POLQ: variants seen among roughly 807,000 people sequenced by gnomAD.
POLQ encodes DNA polymerase theta.
A neutral mutation model predicts 259.2 loss-of-function variants in POLQ; 233 were observed. The ratio of observed to expected loss-of-function variants is 0.90; its 90% CI spans 0.81 to 1.00. POLQ has a LOEUF of 1.00. Among genes scored for constraint, POLQ ranks in the 50% least tolerant of loss-of-function variants. The pLI, the probability that POLQ is intolerant of heterozygous loss-of-function variation, is 0.00. For synonymous variants in POLQ, 1,025 were observed against 1,048.8 expected (o/e 0.98, Z 0.44); for missense variants, 2,871 against 3,051.6 (o/e 0.94, Z 1.39).
At chr3:121,539,341 A>G (rs2048472593) in intron 4 of POLQ, 92 bp downstream of exon 4, 1 of 988,524 alleles carries the variant, frequency 1.0e-6, no homozygotes, top group Non-Finnish European at 1.5e-6. Context: ...ACAATAGGAA[A>G]ACAAATGGGA....
At chr3:121,437,901 A>C (rs2047557204) in intron 27 of POLQ, among the ~76,000 whole-genome samples, 1 of 152,230 alleles carries the variant, frequency 6.6e-6, no homozygotes, top group Admixed American at 6.5e-5. Context: ...AAATATACAT[A>C]TATGATGTAT....
rs551107189 is a variant in POLQ at position 121,496,633 on chromosome 3, G to A, written c.2278+175C>T. Among the ~76,000 whole-genome samples, 3 of 152,282 alleles carry A rather than the reference G, an allele frequency of 2.0e-5. No homozygotes were observed. In the East Asian group the frequency reaches 5.8e-4, roughly 29 times the overall value. ...GCTAGTTACCAATCCTCTGTAACAT[G>A]GTACTGAGCCCTGAGGAGCCATAGT... On this transcript the variant is annotated intron_variant, in intron 14 of 29. Transcript: ENST00000264233.
chr3:121,487,851 A>G lies in POLQ; in HGVS notation c.5080T>C (p.Ser1694Pro). The G allele has an allele frequency of 1.2e-6, 2 of 1,610,596 alleles. No individual in the cohort carries two copies. Among genetic ancestry groups the G allele is most frequent in the Non-Finnish European group, 1.7e-6 (2 of 1,179,044 alleles). ...NLETKQVQGI[S>P]FSSNNEVKSK... ...TTTACTTCATTATTAGAAGAAAATGAAATTCCCTGCACTTGTTTTGTCTCC... is the reference window on the plus strand; with the variant it reads ...TTTACTTCATTATTAGAAGAAAATGGAATTCCCTGCACTTGTTTTGTCTCC... The change falls in exon 16 of 30, where the codon TCA becomes CCA. Residue 1694 changes from serine (S) to proline (P), a missense_variant. Ser to Pro is a moderately conservative substitution (Grantham distance 74). Coordinates refer to ENST00000264233, the MANE Select transcript of POLQ (RefSeq NM_199420.4).
chr3:121,435,667 G>A (rs1383704989), intron 28 of POLQ, among the ~76,000 whole-genome samples: 1 of 152,194 alleles, frequency 6.6e-6, no homozygotes, highest in Non-Finnish European at 1.5e-5. Flanking sequence ...ACTGTACAGA[G>A]TTTCCCAAAG....
At chr3:121,513,794 A>G (rs1259999693) in intron 9 of POLQ, among the ~76,000 whole-genome samples, 3 of 151,280 alleles carry the variant, frequency 2.0e-5, no homozygotes, top group African/African-American at 7.3e-5. Flanking sequence ...GAGGCCAAGG[A>G]GTGTGGCTCA....
At position 121,498,598 on chromosome 3, in the gene POLQ, T is replaced by C. The variant is rs1431020808; in HGVS notation, c.2032A>G (p.Thr678Ala). The change falls in exon 13 of 30, where the codon ACT (threonine) becomes GCT (alanine). Residue 678 changes from threonine (T) to alanine (A), a missense_variant. Transcript: ENST00000264233. ...AGCTCTGCCACCCTTTTCATTGAAG[T>C]TGGCAACTTCTCCCATAAACAGAAA... Reference protein sequence around the residue: ...RFFCLWEKLPTSMKRVAELVG... With the variant: ...RFFCLWEKLPASMKRVAELVG... 6 of 1,613,636 alleles carry C rather than the reference T, an allele frequency of 3.7e-6. No individual in the cohort carries two copies. The highest frequency in any genetic ancestry group is 5.1e-6 in the Non-Finnish European group (6 of 1,179,662).
At chr3:121,491,926 C>A (rs1351986676) in intron 15 of POLQ, among the ~76,000 whole-genome samples, 1 of 152,146 alleles carries the variant, frequency 6.6e-6, no homozygotes, top group Non-Finnish European at 1.5e-5. Flanking sequence ...CTGCAGGAAA[C>A]CCTACTGTGA....
intron 7 of POLQ, 152 bp downstream of exon 7, chr3:121,529,493 C>A: frequency 1.4e-6 from 1 of 718,720 alleles, no homozygotes; most frequent in Non-Finnish European, 2.4e-6. Flanking sequence ...TTATTAGAAT[C>A]GCAAAAGCAC....
intron 7 of POLQ, among the ~76,000 whole-genome samples, chr3:121,525,621 C>T (rs910052423): frequency 3.0e-4 from 45 of 152,222 alleles, no homozygotes; most frequent in African/African-American, 9.4e-4. Flanking sequence ...CCAATCCTTT[C>T]GCCATTTGCT....
chr3:121,492,806 T>TG (rs1199683067), intron 15 of POLQ, among the ~76,000 whole-genome samples: 44 of 150,144 alleles, frequency 2.9e-4, no homozygotes, highest in Admixed American at 1.4e-3. Context: ...CAGCTATTTT[T>TG]TTTTTTTTTT....
intron 22 of POLQ, 135 bp downstream of exon 22, chr3:121,471,855 T>C: frequency 2.3e-6 from 1 of 431,330 alleles, no homozygotes; most frequent in Non-Finnish European, 4.1e-6. Context: ...GGATAAAGCA[T>C]GTATTTTATA....
At chr3:121,509,970 A>G in intron 11 of POLQ, 69 bp downstream of exon 11, 2 of 1,208,932 alleles carry the variant, frequency 1.7e-6, no homozygotes, top group Non-Finnish European at 2.4e-6. Flanking sequence ...ATTTCCATTC[A>G]CTGAGCAGTC....
intron 14 of POLQ, chr3:121,494,070 T>C: frequency 4.6e-6 from 3 of 653,462 alleles, no homozygotes; most frequent in Non-Finnish European, 8.1e-6. Flanking sequence ...AAGAGAACTC[T>C]TAAAAACATG....
chr3:121,470,799 C>T (rs1371977311), intron 22 of POLQ, among the ~76,000 whole-genome samples: 1 of 152,058 alleles, frequency 6.6e-6, no homozygotes, highest in African/African-American at 2.4e-5. Flanking sequence ...TCTATAGAGA[C>T]ATGGTTTTGA....
chr3:121,463,493 G>A (rs559806669), intron 24 of POLQ, among the ~76,000 whole-genome samples: 34 of 152,228 alleles, frequency 2.2e-4, no homozygotes, highest in African/African-American at 7.7e-4. Flanking sequence ...TAACCTAACA[G>A]TATGATAGAT....
At position 121,537,166 on chromosome 3, in the gene POLQ, TGA is replaced by T; in HGVS notation, c.672_673del (p.His225ProfsTer32). The T allele has an allele frequency of 6.2e-7, 1 of 1,606,778 alleles. No individual in the cohort carries two copies. The highest frequency in any genetic ancestry group is 8.5e-7 in the Non-Finnish European group (1 of 1,173,516). The stretch of plus-strand genomic sequence containing the variant: ...CAAAAGTTCCAGCAGATACCCTCGG[TGA>T]GAGTCTCCCAGCATATGTAATTCAT... On this transcript the variant is annotated frameshift_variant, in exon 5 of 30. Transcript: ENST00000264233. LOFTEE classifies it high-confidence loss of function.
At chr3:121,452,701 G>T (rs903441051) in intron 25 of POLQ, among the ~76,000 whole-genome samples, 3 of 152,138 alleles carry the variant, frequency 2.0e-5, no homozygotes, top group African/African-American at 7.2e-5. Flanking sequence ...GCCCGCCATT[G>T]CCCAGGCTTG....
rs1444167948 is a variant in POLQ at position 121,455,140 on chromosome 3, C to T, written c.7152+4910G>A. On this transcript the variant is annotated intron_variant, in intron 25 of 29. Transcript: ENST00000264233. ...CCTGCTCCTGAATGACTACTGGGTA[C>T]ATAACAAAATGAAGGCAGAAATAAA... Among the ~76,000 whole-genome samples the T allele has an allele frequency of 2.7e-5, 4 of 150,362 alleles. No homozygotes were observed. The East Asian group carries it at 7.7e-4, about 29-fold the overall frequency.
chr3:121,432,166 T>C lies in POLQ; in HGVS notation c.*138A>G. On this transcript the variant is annotated 3_prime_UTR_variant, in exon 30 of 30. Coordinates refer to ENST00000264233, the MANE Select transcript of POLQ (RefSeq NM_199420.4). Reference sequence around the variant, plus strand: ...GACACTGATATATAGTTTGAAACTCTCACTATAAAATTACTAGGCTAAGTC... The same window carrying C: ...GACACTGATATATAGTTTGAAACTCCCACTATAAAATTACTAGGCTAAGTC... The C allele has an allele frequency of 1.3e-6, 1 of 753,814 alleles. No individual in the cohort carries two copies. The highest frequency in any genetic ancestry group is 2.0e-6 in the Non-Finnish European group (1 of 498,068). 46.7% of individuals were successfully genotyped at this position (753,814 alleles called of 1,614,324 possible).
Sources: allele counts gnomAD v4.1 joint callset (sites outside exome capture counted in the v4.1 genomes callset), GRCh38; gene constraint gnomAD v4.1.1; transcripts MANE v1.5; gene names NCBI Gene and HGNC (gene_info 2026-07-23, HGNC 2026-07-21).